ARHGAP10: variants seen among roughly 807,000 people sequenced by gnomAD.
ARHGAP10 encodes the protein rho GTPase-activating protein 10.
A neutral mutation model predicts 108.6 loss-of-function variants in ARHGAP10; 87 were observed. That is an observed-to-expected ratio of 0.80 (90% CI 0.67 to 0.96). The LOEUF (loss-of-function observed/expected upper bound fraction) is 0.96, where lower values mean the gene tolerates loss of function less well. Ranked by LOEUF, ARHGAP10 falls within the 40% of genes least tolerant of loss-of-function variation. The pLI is 0.00. For missense variants in ARHGAP10, 939 were observed against 954.5 expected, an observed-to-expected ratio of 0.98 and a Z score of 0.21; for synonymous variants, 347 against 341.1, an observed-to-expected ratio of 1.02 and a Z score of -0.19.
chr4:147,954,309 A>C (rs1246998694), intron 15 of ARHGAP10, among the ~76,000 whole-genome samples: 2 of 151,922 alleles, frequency 1.3e-5, no homozygotes, highest in African/African-American at 2.4e-5. Flanking sequence ...CTCTGATTAT[A>C]GTTGTGGATT....
At chr4:147,975,622 T>G (rs1739563725) in intron 18 of ARHGAP10, among the ~76,000 whole-genome samples, 1 of 152,068 alleles carries the variant, frequency 6.6e-6, no homozygotes, top group Non-Finnish European at 1.5e-5. Flanking sequence ...TGCAAGTGAG[T>G]GAGGGCCAAA....
In ARHGAP10 at chr4:148,072,037, G is replaced by C. The variant is rs761648876; in HGVS notation, c.2317G>C (p.Gly773Arg). Residue 773 changes from glycine (G) to arginine (R), a missense_variant, in exon 23 of 23, where the codon GGC (glycine) becomes CGC (arginine). By Grantham distance (125) the Gly-to-Arg change is moderately radical (BLOSUM62 -2). Coordinates refer to ENST00000336498, the MANE Select transcript of ARHGAP10 (RefSeq NM_024605.4). The part of the protein sequence containing the change: ...EPGWLEGTLN[G>R]KRGLIPQNYV... ...TGGCTGGCTAGAAGGGACTCTGAAC[G>C]GCAAGAGGGGGCTGATTCCACAGAA... 1.9e-6 allele frequency: 3 copies of C among 1,613,476 alleles called. No homozygotes were observed. In the Admixed American group the frequency reaches 5.0e-5, roughly 27 times the overall value.
intron 3 of ARHGAP10, among the ~76,000 whole-genome samples, chr4:147,830,227 G>A (rs1732894774): frequency 6.6e-6 from 1 of 152,170 alleles, no homozygotes; most frequent in Non-Finnish European, 1.5e-5. Context: ...CTTCCTGGGT[G>A]ACCTGCCCTG....
chr4:147,854,607 G>GA (rs547985867), intron 4 of ARHGAP10: 675 of 691,652 alleles, frequency 9.8e-4, no homozygotes, highest in South Asian at 1.1e-3. Flanking sequence ...AGTATTGGGG[G>GA]AAAAAAAAAG....
intron 13 of ARHGAP10, among the ~76,000 whole-genome samples, chr4:147,923,229 A>G (rs1737320478): frequency 6.6e-6 from 1 of 152,224 alleles, no homozygotes; most frequent in Non-Finnish European, 1.5e-5. Context: ...AGAAAAGTAC[A>G]TCATGTTATG....
chr4:147,740,068 A>G (rs1261156704), intron 1 of ARHGAP10, among the ~76,000 whole-genome samples: 9 of 82,440 alleles, frequency 1.1e-4, no homozygotes, highest in South Asian at 3.8e-4. Context: ...TTTTTTTTTG[A>G]GACAGAGTCT....
chr4:147,890,842 A>G (rs1254544853), intron 10 of ARHGAP10, among the ~76,000 whole-genome samples: 1 of 152,150 alleles, frequency 6.6e-6, no homozygotes, highest in Non-Finnish European at 1.5e-5. Flanking sequence ...AAACAACAAA[A>G]AAAACCACAA....
intron 4 of ARHGAP10, among the ~76,000 whole-genome samples, chr4:147,852,304 C>T (rs1035542739): frequency 6.6e-6 from 1 of 152,222 alleles, no homozygotes; most frequent in Non-Finnish European, 1.5e-5. Flanking sequence ...ACTTTGCCAG[C>T]GTTGGTGCTG....
chr4:148,013,611 C>T (rs534933409), intron 18 of ARHGAP10, among the ~76,000 whole-genome samples: 65 of 152,204 alleles, frequency 4.3e-4, no homozygotes, highest in African/African-American at 1.5e-3. Context: ...TGGCGTGAAC[C>T]CGGGAGACGG....
At chr4:148,007,844 T>G (rs998511199) in intron 18 of ARHGAP10, among the ~76,000 whole-genome samples, 1 of 152,226 alleles carries the variant, frequency 6.6e-6, no homozygotes, top group Non-Finnish European at 1.5e-5. Context: ...TTGCTGGGTT[T>G]CTTTCTAGTT....
At chr4:148,034,377 G>A (rs1205156588) in intron 19 of ARHGAP10, among the ~76,000 whole-genome samples, 1 of 152,098 alleles carries the variant, frequency 6.6e-6, no homozygotes, top group East Asian at 1.9e-4. Flanking sequence ...GAGTGCGATG[G>A]CGCGATCTTG....
intron 4 of ARHGAP10, among the ~76,000 whole-genome samples, chr4:147,847,852 A>C (rs1257079849): frequency 1.3e-5 from 2 of 152,202 alleles, no homozygotes; most frequent in Admixed American, 6.5e-5. Flanking sequence ...AAGGAGCCTG[A>C]GATATATTTA....
At position 147,885,563 on chromosome 4, in the gene ARHGAP10, G is replaced by A. The variant is rs1735513587; in HGVS notation, c.1034+3631G>A. On this transcript the variant is annotated intron_variant, in intron 10 of 22. Transcript: ENST00000336498. ...AGCCAAACCATATCAGTCATGTTGAGTTAGATTGCTGTGGGTCATTATGAA... is the reference window on the plus strand; with the variant it reads ...AGCCAAACCATATCAGTCATGTTGAATTAGATTGCTGTGGGTCATTATGAA... 2.6e-5 allele frequency among the ~76,000 whole-genome samples: 4 copies of A among 152,194 alleles called. No individual in the cohort carries two copies. The South Asian group carries it at 8.3e-4, about 31-fold the overall frequency.
At chr4:148,062,178 A>G (rs1329120599) in intron 20 of ARHGAP10, among the ~76,000 whole-genome samples, 2 of 152,250 alleles carry the variant, frequency 1.3e-5, no homozygotes, top group East Asian at 3.9e-4. Context: ...TAGGTTGCTG[A>G]GTGTCACCGT....
At chr4:147,855,640 G>C (rs1734054353) in intron 4 of ARHGAP10, among the ~76,000 whole-genome samples, 1 of 147,950 alleles carries the variant, frequency 6.8e-6, no homozygotes, top group Non-Finnish European at 1.5e-5. Context: ...AAAAGTCCCT[G>C]ATCTTTTTGG....
intron 16 of ARHGAP10, among the ~76,000 whole-genome samples, chr4:147,960,908 T>C (rs1229691673): frequency 1.3e-5 from 2 of 152,236 alleles, no homozygotes; most frequent in African/African-American, 2.4e-5. Context: ...TTCATTTTCA[T>C]TGCATTCTGT....
chr4:147,781,904 A>G (rs944360712), intron 1 of ARHGAP10, among the ~76,000 whole-genome samples: 2 of 151,974 alleles, frequency 1.3e-5, no homozygotes, highest in Admixed American at 1.3e-4. Flanking sequence ...ATATTGCTAA[A>G]CTCTAGGTAT....
intron 19 of ARHGAP10, among the ~76,000 whole-genome samples, chr4:148,037,596 A>T (rs1251901665): frequency 6.6e-6 from 1 of 152,166 alleles, no homozygotes; most frequent in Non-Finnish European, 1.5e-5. Context: ...ACCCTTTGGG[A>T]GGCCAAGGCA....
rs770079695 is a variant in ARHGAP10 at position 147,909,736 on chromosome 4, C to T, written c.1121C>T (p.Ser374Phe). 14 of 1,611,048 alleles carry T rather than the reference C, an allele frequency of 8.7e-6. No individual in the cohort carries two copies. The highest frequency in any genetic ancestry group is 1.1e-5 in the Non-Finnish European group (13 of 1,177,700). ...LEALGGKEAL[S>F]HSFNTAIIPR... ...TTTTCCATTCTCTTTTATTAGCTGT[C>T]CCATAGTTTTAATACAGCCATCATC... The change falls in exon 12 of 23, where the codon TCC (serine) becomes TTC (phenylalanine). Residue 374 changes from serine to phenylalanine, a missense_variant. Ser to Phe is a radical substitution (Grantham distance 155). Coordinates refer to ENST00000336498, the MANE Select transcript of ARHGAP10 (RefSeq NM_024605.4).
Sources: allele counts gnomAD v4.1 joint callset (sites outside exome capture counted in the v4.1 genomes callset), GRCh38; gene constraint gnomAD v4.1.1; transcripts MANE v1.5; gene names NCBI Gene and HGNC (gene_info 2026-07-23, HGNC 2026-07-21).